Variants in PTGR1 observed in about 807,000 individuals in gnomAD.
The protein encoded by PTGR1 is prostaglandin reductase 1.
Under a neutral mutation model 37.7 loss-of-function variants are expected in PTGR1, and 23 were observed. The observed-to-expected ratio is 0.61, with a 90% CI of 0.44 to 0.86. The LOEUF (loss-of-function observed/expected upper bound fraction) is 0.86, where lower values mean the gene tolerates loss of function less well. Ranked by LOEUF, PTGR1 falls within the 40% of genes least tolerant of loss-of-function variation. The pLI, the probability that PTGR1 is intolerant of heterozygous loss-of-function variation, is 0.00. For synonymous variants in PTGR1, 134 were observed against 140.0 expected (o/e 0.96, Z 0.30); for missense variants, 351 against 394.3 (o/e 0.89, Z 0.93).
chr9:111,582,060 G>A lies in PTGR1; in HGVS notation c.495+1412C>T, dbSNP rs1487170408. ...ACTAGCAGAATGTAAATAAAACTTA[G>A]GTTCTCAGTAATTAGAGAAAAAAGA... On this transcript the variant is annotated intron_variant, in intron 6 of 9. Coordinates refer to ENST00000407693, the MANE Select transcript of PTGR1 (RefSeq NM_001146108.2). Among the ~76,000 whole-genome samples the A allele has an allele frequency of 2.6e-5, 4 of 151,944 alleles. No individual in the cohort carries two copies. The East Asian group carries it at 7.7e-4, about 29-fold the overall frequency.
intron 7 of PTGR1, 71 bp downstream of exon 7, chr9:111,578,725 A>AG: frequency 2.2e-6 from 3 of 1,382,300 alleles, no homozygotes; most frequent in Non-Finnish European, 2.9e-6. Flanking sequence ...TCCATGGCCC[A>AG]GGGGTAGGAG....
rs1198530399 is a variant in PTGR1 at position 111,578,727 on chromosome 9, G to A, written c.651+69C>T. On this transcript the variant is annotated intron_variant, in intron 7 of 9. Coordinates refer to ENST00000407693, the MANE Select transcript of PTGR1 (RefSeq NM_001146108.2). ...GGACCACTAACCATCCATGGCCCAGGGGTAGGAGACTCCTGCTTTATATAG... is the reference window on the plus strand; with the variant it reads ...GGACCACTAACCATCCATGGCCCAGAGGTAGGAGACTCCTGCTTTATATAG... The A allele has an allele frequency of 1.4e-5, 19 of 1,400,626 alleles. No individual in the cohort carries two copies. In the Middle Eastern group the frequency reaches 2.5e-3, roughly 186 times the overall value. 86.8% of individuals were successfully genotyped at this position (1,400,626 alleles called of 1,614,324 possible).
chr9:111,550,047 TTTG>T (rs1170315498), intron 9 of PTGR1, among the ~76,000 whole-genome samples: 9 of 152,140 alleles, frequency 5.9e-5, no homozygotes, highest in South Asian at 2.1e-4. Context: ...GGGTTTATTT[TTTG>T]TTGTTGTTTT....
At chr9:111,560,964 TATATATATATAGAGAG>T (rs1452731771), downstream of PTGR1, among the ~76,000 whole-genome samples, 1 of 48,510 alleles carries the variant, frequency 2.1e-5, no homozygotes, top group Non-Finnish European at 3.8e-5. Context: ...TATATATATA[TATATATATATAGAGAG>T]AGAGAGAGAG....
intron 4 of PTGR1, among the ~76,000 whole-genome samples, chr9:111,591,306 A>C (rs1418144784): frequency 6.6e-6 from 1 of 151,800 alleles, no homozygotes; most frequent in African/African-American, 2.4e-5. Flanking sequence ...TCAAAAAAAA[A>C]ATAATAATAA....
At chr9:111,566,054 A>G (rs1364929229) in intron 9 of PTGR1, among the ~76,000 whole-genome samples, 1 of 151,932 alleles carries the variant, frequency 6.6e-6, no homozygotes, top group Non-Finnish European at 1.5e-5. Flanking sequence ...TCTACTAAAA[A>G]TAGCCGAGAA....
chr9:111,574,734 C>G lies in PTGR1; in HGVS notation c.760G>C (p.Gly254Arg). The change falls in exon 8 of 10, where the codon GGC becomes CGC. Residue 254 changes from glycine to arginine, a missense_variant and splice_region_variant. Physicochemically the swap from Gly to Arg is moderately radical, Grantham distance 125 (BLOSUM62 -2). Transcript: ENST00000407693. ...TYNRTGPLPP[G>R]PPPEIVIYQE... Reference sequence around the variant, plus strand: ...GGGATCGTGTGCATGTGCTCATTACCTGGGGGAAGTGGGCCGGTTCTGTTA... The same window carrying G: ...GGGATCGTGTGCATGTGCTCATTACGTGGGGGAAGTGGGCCGGTTCTGTTA... 2.5e-6 allele frequency: 4 copies of G among 1,609,668 alleles called. No individual in the cohort carries two copies. Among genetic ancestry groups the G allele is most frequent in the Non-Finnish European group, 3.4e-6 (4 of 1,177,254 alleles).
intron 9 of PTGR1, among the ~76,000 whole-genome samples, chr9:111,566,508 T>G (rs562341571): frequency 1.3e-5 from 2 of 152,242 alleles, no homozygotes; most frequent in African/African-American, 4.8e-5. Context: ...GATGTCATTT[T>G]TCCCCTGTAA....
At chr9:111,591,477 C>A (rs559298666) in intron 4 of PTGR1, among the ~76,000 whole-genome samples, 1 of 145,650 alleles carries the variant, frequency 6.9e-6, no homozygotes, top group East Asian at 2.1e-4. Context: ...TCAAGCAATT[C>A]TCCTGCCTCA....
At chr9:111,565,940 G>A (rs968208402) in intron 9 of PTGR1, among the ~76,000 whole-genome samples, 3 of 152,104 alleles carry the variant, frequency 2.0e-5, no homozygotes, top group Non-Finnish European at 2.9e-5. Flanking sequence ...GGCTGGGCGC[G>A]GTGGCTCACA....
At chr9:111,573,273 A>C (rs1484531702) in intron 8 of PTGR1, among the ~76,000 whole-genome samples, 1 of 151,530 alleles carries the variant, frequency 6.6e-6, no homozygotes, top group Non-Finnish European at 1.5e-5. Context: ...CAGTTAGAAA[A>C]TTATAGGGGG....
At chr9:111,561,679 G>A (rs1348210136), downstream of PTGR1, among the ~76,000 whole-genome samples, 1 of 152,174 alleles carries the variant, frequency 6.6e-6, no homozygotes, top group Non-Finnish European at 1.5e-5. Flanking sequence ...CTTCTTTGGT[G>A]TGTTGAATAA....
intron 1 of PTGR1, among the ~76,000 whole-genome samples, chr9:111,598,631 A>C (rs1564625076): frequency 6.6e-6 from 1 of 152,030 alleles, no homozygotes. Flanking sequence ...AGTAGCTGGG[A>C]TTACAGGCGC....
At chr9:111,556,016 T>C (rs995212001) in intron 9 of PTGR1, among the ~76,000 whole-genome samples, 26 of 152,356 alleles carry the variant, frequency 1.7e-4, no homozygotes, top group African/African-American at 6.0e-4. Context: ...CCTATGAGCC[T>C]GTAAAATCAC....
downstream of PTGR1, among the ~76,000 whole-genome samples, chr9:111,560,968 TATATATAGAGAGAGAGAGAGAGAG>T (rs1485316021): frequency 1.2e-4 from 5 of 40,066 alleles, no homozygotes; most frequent in East Asian, 2.7e-3. Flanking sequence ...TATATATATA[TATATATAGAGAGAGAGAGAGAGAG>T]AGAGAGAGAG....
downstream of PTGR1, among the ~76,000 whole-genome samples, chr9:111,561,350 A>T (rs890205818): frequency 6.6e-6 from 1 of 151,906 alleles, no homozygotes. Context: ...GTCACAGGTC[A>T]CTGCAACCTC....
chr9:111,549,734 G>A, exon 10 of PTGR1: 1 of 1,549,772 alleles, frequency 6.5e-7, no homozygotes, highest in Non-Finnish European at 8.7e-7. Context: ...AGGTAATGGT[G>A]AATGATACAT....
chr9:111,551,788 T>C (rs1027499759), intron 9 of PTGR1, among the ~76,000 whole-genome samples: 1 of 152,218 alleles, frequency 6.6e-6, no homozygotes, highest in Non-Finnish European at 1.5e-5. Flanking sequence ...TATATCACTT[T>C]CAAAACTTTT....
intron 9 of PTGR1, among the ~76,000 whole-genome samples, chr9:111,554,973 A>G (rs1265896122): frequency 6.6e-6 from 1 of 152,004 alleles, no homozygotes; most frequent in Non-Finnish European, 1.5e-5. Context: ...GAGAAGTGTA[A>G]TTTCTCCAGA....
Sources: gnomAD v4.1 joint callset for allele counts (sites outside exome capture counted in the v4.1 genomes callset) on GRCh38, gnomAD v4.1.1 for gene constraint, MANE v1.5 for transcripts, NCBI Gene and HGNC (gene_info 2026-07-23, HGNC 2026-07-21) for gene names.